PKD1L1: variants seen among roughly 807,000 people sequenced by gnomAD.
The protein encoded by PKD1L1 is polycystin 1 like 1, transient receptor potential channel interacting.
In PKD1L1, 236 loss-of-function variants were observed where a neutral mutation model predicts 323.4. That is an observed-to-expected ratio of 0.73 (90% confidence interval 0.66 to 0.81). The LOEUF is 0.81. PKD1L1 is among the 40% of genes least tolerant of loss of function. The pLI is 0.00. For missense variants in PKD1L1, 3,320 were observed against 3,508.0 expected, an observed-to-expected ratio of 0.95 and a Z score of 1.35; for synonymous variants, 1,344 against 1,335.0, an observed-to-expected ratio of 1.01 and a Z score of -0.15.
At chr7:47,778,451 G>A (rs554854551) in intron 56 of PKD1L1, among the ~76,000 whole-genome samples, 31 of 152,250 alleles carry the variant, frequency 2.0e-4, no homozygotes, top group Admixed American at 6.5e-4. Flanking sequence ...ATAAAGAAAC[G>A]CCAGTGAGTC....
chr7:47,939,010 C>T (rs1282065547), intron 3 of PKD1L1, among the ~76,000 whole-genome samples: 1 of 152,154 alleles, frequency 6.6e-6, no homozygotes, highest in East Asian at 1.9e-4. Context: ...CACTAAAAGC[C>T]TAAGGAAGTC....
intron 52 of PKD1L1, among the ~76,000 whole-genome samples, chr7:47,804,972 T>C (rs1015422177): frequency 2.6e-5 from 4 of 152,114 alleles, no homozygotes; most frequent in African/African-American, 9.7e-5. Context: ...CTCCATCTGA[T>C]TGAGGGATGC....
intron 3 of PKD1L1, 105 bp downstream of exon 3, chr7:47,940,088 C>A: frequency 6.9e-7 from 1 of 1,453,074 alleles, no homozygotes; most frequent in South Asian, 1.2e-5. Flanking sequence ...GATAGGAAAA[C>A]AATCCCTGAT....
chr7:47,778,472 G>C (rs902074213), intron 56 of PKD1L1, among the ~76,000 whole-genome samples: 6 of 152,148 alleles, frequency 3.9e-5, no homozygotes, highest in African/African-American at 1.4e-4. Flanking sequence ...ACATGGAGGA[G>C]ATAATACAGA....
rs763414169 is a variant in PKD1L1, at chr7:47,840,422, T to C, written c.5552+39A>G. 1 of 1,491,978 alleles carries C rather than the reference T, an allele frequency of 6.7e-7. No individual in the cohort carries two copies. Among genetic ancestry groups the C allele is most frequent in the South Asian group, 1.1e-5 (1 of 88,170 alleles). The allele number at this position is 1,491,978 out of a possible 1,614,324, so 92.4% of individuals were successfully genotyped here. A position where few individuals can be genotyped will look rare whatever the true frequency, so the allele number is the denominator to read the frequency against. On this transcript the variant is annotated intron_variant, in intron 35 of 56. Transcript: ENST00000289672. The surrounding 1 kb of genome is among the most constrained non-coding windows in gnomAD (Gnocchi z 4.1). The stretch of plus-strand genomic sequence containing the variant: ...AAGGTTACACCAATTCTGATTGGCC[T>C]CTCTTTCCCAAATCTAGCAGTGAAA...
chr7:47,890,649 G>A lies in PKD1L1; in HGVS notation c.2568C>T (p.Leu856=), dbSNP rs1406608288. ...CAAGGAACTGATCATAGCTGTCACT[G>A]AGCCATTGTGCCTCAAAGGAAACAG... ...APTVSFEAQW[L]SDSYDQFLVM... is the part of the protein sequence containing the mutation. Residue 856 remains leucine, a synonymous_variant, in exon 16 of 57, where the codon CTC becomes CTT. Transcript: ENST00000289672. 6.2e-7 allele frequency: 1 copy of A among 1,614,058 alleles called. No homozygotes were observed. The highest frequency in any genetic ancestry group is 1.3e-5 in the African/African-American group (1 of 74,930).
At chr7:47,861,481 A>G (rs1235593039) in intron 26 of PKD1L1, among the ~76,000 whole-genome samples, 1 of 152,198 alleles carries the variant, frequency 6.6e-6, no homozygotes, top group Non-Finnish European at 1.5e-5. Flanking sequence ...TTTCAAGGAC[A>G]TAAGGGGCAT....
intron 8 of PKD1L1, among the ~76,000 whole-genome samples, chr7:47,908,568 G>C (rs1215151916): frequency 6.6e-6 from 1 of 152,178 alleles, no homozygotes; most frequent in Non-Finnish European, 1.5e-5. Flanking sequence ...ATCCTCTGCA[G>C]TAGGAAATAT....
intron 21 of PKD1L1, among the ~76,000 whole-genome samples, chr7:47,879,393 C>T (rs189654171): frequency 1.0e-3 from 156 of 151,874 alleles, no homozygotes; most frequent in African/African-American, 3.6e-3. Flanking sequence ...TTGTGGAGGC[C>T]AAGGCAGGTG....
At chr7:47,819,395 G>A in intron 46 of PKD1L1, 2 of 442,710 alleles carry the variant, frequency 4.5e-6, no homozygotes, top group Non-Finnish European at 7.6e-6. Flanking sequence ...GTCAAATAAT[G>A]TTGACTTGTG....
intron 15 of PKD1L1, among the ~76,000 whole-genome samples, chr7:47,891,505 A>C (rs114231299): frequency 1.0e-3 from 154 of 152,316 alleles, no homozygotes; most frequent in African/African-American, 3.5e-3. Flanking sequence ...AGCCCTTTTC[A>C]AAGGTGTCAC....
At chr7:47,821,256 C>G (rs545682892) in intron 45 of PKD1L1, 70 bp from the exon 46 acceptor site, 1 of 829,898 alleles carries the variant, frequency 1.2e-6, no homozygotes, top group Non-Finnish European at 1.9e-6. Context: ...CTTCAATTTG[C>G]AAAAGATTTA....
chr7:47,895,829 A>C (rs1405624537), intron 14 of PKD1L1, among the ~76,000 whole-genome samples: 1 of 152,148 alleles, frequency 6.6e-6, no homozygotes, highest in Non-Finnish European at 1.5e-5. Flanking sequence ...AGGCTTGAGG[A>C]ATGGGGGGTT....
intron 36 of PKD1L1, among the ~76,000 whole-genome samples, chr7:47,838,693 C>A (rs1785504898): frequency 6.6e-6 from 1 of 151,986 alleles, no homozygotes; most frequent in Non-Finnish European, 1.5e-5. Context: ...ATCTGGCCAA[C>A]ATGGTGAAAC....
chr7:47,838,876 CAAA>C (rs57858359), intron 36 of PKD1L1, among the ~76,000 whole-genome samples: 1 of 85,324 alleles, frequency 1.2e-5, no homozygotes, highest in Non-Finnish European at 2.1e-5. Flanking sequence ...GACTCCATCT[CAAA>C]AAAAAAAAAA....
At chr7:47,896,997 C>T (rs1050840409) in intron 14 of PKD1L1, among the ~76,000 whole-genome samples, 1 of 152,228 alleles carries the variant, frequency 6.6e-6, no homozygotes, top group Admixed American at 6.5e-5. Flanking sequence ...CTTTTTCCTA[C>T]AACCTGCATC....
At chr7:47,948,567 C>A, upstream of PKD1L1, 2 of 832,594 alleles carry the variant, frequency 2.4e-6, no homozygotes, top group South Asian at 1.6e-5. Context: ...TCAGGACACA[C>A]ATCAAACACA....
At chr7:47,820,837 C>A (rs1318381782) in intron 46 of PKD1L1, among the ~76,000 whole-genome samples, 1 of 152,122 alleles carries the variant, frequency 6.6e-6, no homozygotes, top group Non-Finnish European at 1.5e-5. Flanking sequence ...ACTGCAAGAC[C>A]CTGTTTTGGC....
intron 24 of PKD1L1, among the ~76,000 whole-genome samples, chr7:47,873,009 T>C (rs1407187805): frequency 6.6e-6 from 1 of 152,238 alleles, no homozygotes; most frequent in East Asian, 1.9e-4. Flanking sequence ...TAATATATTT[T>C]GCTACATAGA....
Sources: allele counts gnomAD v4.1 joint callset (sites outside exome capture counted in the v4.1 genomes callset), GRCh38; gene constraint gnomAD v4.1.1; non-coding constraint Gnocchi (gnomAD v3.1); transcripts MANE v1.5; gene names NCBI Gene and HGNC (gene_info 2026-07-23, HGNC 2026-07-21).